CTBP1: variants seen among roughly 807,000 people sequenced by gnomAD.
The protein encoded by CTBP1 is C-terminal binding protein 1.
Under a neutral mutation model 42.1 loss-of-function variants are expected in CTBP1, and 11 were observed. The observed-to-expected ratio is 0.26, with a 90% CI of 0.16 to 0.43. CTBP1 has a LOEUF of 0.43. CTBP1 is among the 20% of genes least tolerant of loss of function. The pLI, the probability that CTBP1 is intolerant of heterozygous loss-of-function variation, is 1.00. For synonymous variants in CTBP1, 324 were observed against 277.1 expected (o/e 1.17, Z -1.68); for missense variants, 399 against 624.3 (o/e 0.64, Z 3.85).
intron 5 of CTBP1, among the ~76,000 whole-genome samples, chr4:1,222,729 G>A (rs1318018485): frequency 6.6e-6 from 1 of 152,168 alleles, no homozygotes; most frequent in Non-Finnish European, 1.5e-5. Flanking sequence ...CCTGGGAGGG[G>A]CTGGTTGGGC....
Position 1,225,373 on chromosome 4 carries a change from GC to G in CTBP1, c.500del (p.Gly167AlafsTer56). 6.4e-7 allele frequency: 1 copy of G among 1,561,308 alleles called. No homozygotes were observed. On this transcript the variant is annotated frameshift_variant, in exon 5 of 10. Transcript: ENST00000382952. LOFTEE classifies it high-confidence loss of function. The stretch of plus-strand genomic sequence containing the variant: ...CGGCCGACGCACCAAGTCCGATGAT[GC>G]CCAAGGTCTCCCCGCGGATCCTGGC... ...GAARIRGETL[G>X]IIGLGRVGQA...
chr4:1,236,949 A>G, intron 3 of CTBP1: 6 of 674,490 alleles, frequency 8.9e-6, no homozygotes, highest in Non-Finnish European at 1.6e-5. Context: ...CTCAGGGCAA[A>G]CCCCGTGTCC....
intron 5 of CTBP1, among the ~76,000 whole-genome samples, chr4:1,225,044 C>T (rs537947418): frequency 1.3e-5 from 2 of 151,606 alleles, no homozygotes; most frequent in South Asian, 2.1e-4. Flanking sequence ...CTGTGACGTC[C>T]GTGTGTGTTA....
At chr4:1,226,355 GA>G (rs1297744217) in intron 4 of CTBP1, among the ~76,000 whole-genome samples, 1 of 152,136 alleles carries the variant, frequency 6.6e-6, no homozygotes, top group East Asian at 1.9e-4. Context: ...TGGGGAGGAG[GA>G]GGGGGCAGGA....
chr4:1,238,464 G>A lies in CTBP1; in HGVS notation c.8-127C>T. On this transcript the variant is annotated intron_variant, in intron 2 of 9. Coordinates refer to ENST00000382952, the MANE Select transcript of CTBP1 (RefSeq NM_001012614.2). The surrounding 1 kb of genome is among the most constrained non-coding windows in gnomAD (Gnocchi z 5.9). ...CCGGGGGTTTTCTGGTCTATATGTTGTGATATTTGTAAAAAGTAAATTAAA... is the reference window on the plus strand; with the variant it reads ...CCGGGGGTTTTCTGGTCTATATGTTATGATATTTGTAAAAAGTAAATTAAA... 1.8e-6 allele frequency: 2 copies of A among 1,120,158 alleles called. No individual in the cohort carries two copies. Among genetic ancestry groups the A allele is most frequent in the Non-Finnish European group, 2.4e-6 (2 of 819,390 alleles). 69.4% of individuals were successfully genotyped at this position (1,120,158 alleles called of 1,614,324 possible).
intron 5 of CTBP1, chr4:1,221,911 T>C (rs193287973): frequency 1.1e-5 from 4 of 378,072 alleles, no homozygotes; most frequent in Admixed American, 6.0e-5. Flanking sequence ...AAGAAGGAGA[T>C]GTAAGTCACG....
At chr4:1,228,554 T>C (rs1301482120) in intron 3 of CTBP1, among the ~76,000 whole-genome samples, 1 of 152,026 alleles carries the variant, frequency 6.6e-6, no homozygotes, top group Non-Finnish European at 1.5e-5. Flanking sequence ...GTCCCAGCAA[T>C]TCCCACCGCA....
intron 5 of CTBP1, chr4:1,216,999 G>C (rs548396215): frequency 6.5e-6 from 1 of 152,718 alleles, no homozygotes; most frequent in Non-Finnish European, 1.5e-5. Flanking sequence ...GCGCCGGGGC[G>C]GGTGGGAAGT....
intron 7 of CTBP1, chr4:1,213,920 C>T (rs1309058594): frequency 4.7e-6 from 2 of 426,648 alleles, no homozygotes; most frequent in Admixed American, 8.4e-5. Flanking sequence ...CCAGGAGCTG[C>T]AGGCTGATAC....
chr4:1,213,329 T>TA, intron 8 of CTBP1, 149 bp downstream of exon 8: 1 of 1,308,522 alleles, frequency 7.6e-7, no homozygotes, highest in Admixed American at 2.2e-5. Flanking sequence ...ACTTTGGCCT[T>TA]AGAGGTCCCT....
chr4:1,248,526 G>C (rs960238304), intron 1 of CTBP1: 3 of 287,010 alleles, frequency 1.0e-5, no homozygotes, highest in African/African-American at 2.3e-5. Flanking sequence ...GCCCAGCCAC[G>C]GGGTCATGAC....
intron 1 of CTBP1, chr4:1,242,316 C>T: frequency 1.0e-6 from 1 of 985,396 alleles, no homozygotes; most frequent in Non-Finnish European, 1.2e-6. Flanking sequence ...CATGAAGACA[C>T]AGCACCGAGG....
intron 5 of CTBP1, chr4:1,216,480 G>A (rs1260508072): frequency 6.9e-6 from 4 of 576,892 alleles, no homozygotes; most frequent in Middle Eastern, 4.6e-4. Context: ...CCACTCCCCT[G>A]CAGCCTGTCC....
chr4:1,246,289 G>A (rs1427767596), intron 1 of CTBP1, among the ~76,000 whole-genome samples: 8 of 151,794 alleles, frequency 5.3e-5, no homozygotes, highest in South Asian at 2.1e-4. Context: ...CCGGCGCTCC[G>A]ACCAGCGTTC....
chr4:1,232,223 A>G (rs888458878), intron 3 of CTBP1, among the ~76,000 whole-genome samples: 1 of 152,146 alleles, frequency 6.6e-6, no homozygotes, highest in Admixed American at 6.5e-5. Context: ...GTTATCAGAC[A>G]TTCACCCTTA....
At chr4:1,226,084 G>A (rs1039367016) in intron 4 of CTBP1, among the ~76,000 whole-genome samples, 2 of 152,100 alleles carry the variant, frequency 1.3e-5, no homozygotes, top group African/African-American at 2.4e-5. Flanking sequence ...CACCCCTGCA[G>A]TCGGTAACAC....
At chr4:1,229,103 A>T (rs114362325) in intron 3 of CTBP1, among the ~76,000 whole-genome samples, 189 of 152,288 alleles carry the variant, frequency 1.2e-3, no homozygotes, top group African/African-American at 4.3e-3. Flanking sequence ...CAGCCAGTAC[A>T]TGGCATCGCT....
At chr4:1,212,573 C>T (rs1728655688) in intron 9 of CTBP1, 150 bp from the exon 10 acceptor site, 3 of 724,638 alleles carry the variant, frequency 4.1e-6, no homozygotes, top group Middle Eastern at 4.1e-4. Context: ...GATGTTCCTG[C>T]CTATGGCAGC....
In CTBP1 at chr4:1,212,171, C is replaced by T; in HGVS notation, c.*69G>A. 1.5e-6 allele frequency: 2 copies of T among 1,313,210 alleles called. No homozygotes were observed. The highest frequency in any genetic ancestry group is 2.0e-6 in the Non-Finnish European group (2 of 1,000,324). 81.3% of individuals were successfully genotyped at this position (1,313,210 alleles called of 1,614,324 possible). A position where few individuals can be genotyped will look rare whatever the true frequency, so the allele number is the denominator to read the frequency against. On this transcript the variant is annotated 3_prime_UTR_variant, in exon 10 of 10. Coordinates refer to ENST00000382952, the MANE Select transcript of CTBP1 (RefSeq NM_001012614.2). The stretch of plus-strand genomic sequence containing the variant: ...CAGGGCCACCACACAGATGCCTCCT[C>T]CACACACTCTGGTCCGAGGGTTTCC...
Sources: gnomAD v4.1 joint callset for allele counts (sites outside exome capture counted in the v4.1 genomes callset) on GRCh38, gnomAD v4.1.1 for gene constraint, Gnocchi (gnomAD v3.1) non-coding constraint, MANE v1.5 for transcripts, NCBI Gene and HGNC (gene_info 2026-07-23, HGNC 2026-07-21) for gene names.